CFAP97D2: variants seen among roughly 807,000 people sequenced by gnomAD.
CFAP97D2 encodes uncharacterized protein CFAP97D2.
At chr13:114,180,107 A>G (rs1294075032) in intron 1 of CFAP97D2, among the ~76,000 whole-genome samples, 2 of 152,252 alleles carry the variant, frequency 1.3e-5, no homozygotes, top group Admixed American at 1.3e-4. Context: ...GGCCTCCCAC[A>G]GTCTTCTGCC....
chr13:114,184,722 C>A (rs2080849007), intron 1 of CFAP97D2, among the ~76,000 whole-genome samples: 1 of 152,140 alleles, frequency 6.6e-6, no homozygotes, highest in Non-Finnish European at 1.5e-5. Context: ...GAAGAAATAG[C>A]AGAAGAAATT....
intron 3 of CFAP97D2, among the ~76,000 whole-genome samples, chr13:114,204,154 C>T (rs748186044): frequency 1.1e-4 from 16 of 152,106 alleles, no homozygotes; most frequent in Non-Finnish European, 2.1e-4. Flanking sequence ...AGCGGGCAGC[C>T]CACAGGAGAG....
At chr13:114,205,727 T>TG (rs1275735627) in intron 3 of CFAP97D2, among the ~76,000 whole-genome samples, 3 of 152,200 alleles carry the variant, frequency 2.0e-5, no homozygotes, top group Admixed American at 2.0e-4. Context: ...CTTCTGGGCT[T>TG]GCCTCTCCCA....
Position 114,186,261 on chromosome 13 carries a change from A to T in CFAP97D2, c.90+6841A>T, listed in dbSNP as rs1365182435. Among the ~76,000 whole-genome samples, 1 of 152,070 alleles carries T rather than the reference A, an allele frequency of 6.6e-6. No individual in the cohort carries two copies. Among genetic ancestry groups the T allele is most frequent in the Non-Finnish European group, 1.5e-5 (1 of 67,980 alleles). ...CTCTGCTGAGAGCTGAGACGTCAGG[A>T]CAACCAGCTTCAGGGAGGAGCTACC... On this transcript the variant is annotated intron_variant, in intron 1 of 4. Coordinates refer to ENST00000646158, the Ensembl canonical transcript of CFAP97D2. The surrounding 1 kb of genome is among the most constrained non-coding windows in gnomAD (Gnocchi z 4.3).
chr13:114,199,010 G>A (rs2080902805), intron 2 of CFAP97D2, among the ~76,000 whole-genome samples: 5 of 45,318 alleles, frequency 1.1e-4, no homozygotes, highest in Non-Finnish European at 1.1e-4. Context: ...CCGTGTGTAC[G>A]GTCCCCGCCG....
intron 3 of CFAP97D2, among the ~76,000 whole-genome samples, chr13:114,202,430 TAG>T (rs1224858623): frequency 6.6e-6 from 1 of 152,216 alleles, no homozygotes; most frequent in Non-Finnish European, 1.5e-5. Context: ...CACAGTCATT[TAG>T]AGTCTCTGCT....
At chr13:114,198,681 T>C (rs145504882) in intron 2 of CFAP97D2, among the ~76,000 whole-genome samples, 30,939 of 64,158 alleles carry the variant, frequency 0.48, 8,575 homozygotes, top group African/African-American at 0.72. Context: ...GGCGTGACAG[T>C]GGGTCCCCGT....
rs919675509 is a variant in CFAP97D2 at position 114,217,942 on chromosome 13, A to C, written c.481-4556A>C. Among the ~76,000 whole-genome samples the C allele has an allele frequency of 4.1e-4, 62 of 152,350 alleles. 1 individual carries two copies. The highest frequency in any genetic ancestry group is 1.3e-3 in the East Asian group (7 of 5,186). ...TCACACTGAATGGGCAAAAACTGGA[A>C]GCATTCCCTTTGAAAACTGGCACAA... On this transcript the variant is annotated intron_variant, in intron 4 of 4. Coordinates refer to ENST00000646158, the Ensembl canonical transcript of CFAP97D2.
intron 4 of CFAP97D2, among the ~76,000 whole-genome samples, chr13:114,219,986 C>T (rs1339963372): frequency 3.7e-5 from 5 of 134,446 alleles, no homozygotes; most frequent in African/African-American, 1.4e-4. Context: ...GGTGCTTCCC[C>T]ACCTTGGAAA....
intron 3 of CFAP97D2, among the ~76,000 whole-genome samples, chr13:114,201,275 C>G (rs905487438): frequency 2.6e-5 from 4 of 152,178 alleles, no homozygotes; most frequent in Non-Finnish European, 5.9e-5. Flanking sequence ...ATAGTTAATT[C>G]TAATGAAGGG....
chr13:114,197,599 ACAATTTATTCAGT>A (rs1360490852), intron 2 of CFAP97D2, among the ~76,000 whole-genome samples: 1 of 152,116 alleles, frequency 6.6e-6, no homozygotes, highest in Non-Finnish European at 1.5e-5. Flanking sequence ...ATTCACAGTG[ACAATTTATTCAGT>A]GCAGTTCCAG....
intron 1 of CFAP97D2, among the ~76,000 whole-genome samples, chr13:114,192,280 A>T (rs1362640812): frequency 1.3e-5 from 2 of 151,860 alleles, no homozygotes; most frequent in Non-Finnish European, 2.9e-5. Context: ...CAAACATACC[A>T]CTCTGGAGGG....
chr13:114,216,447 C>T lies in CFAP97D2; in HGVS notation c.480+4346C>T, dbSNP rs541224138. ...TAATGCTATCCCTCCCCACTCCCCCCACCCCACGACAGGCCCCGGTGTGTG... is the reference window on the plus strand; with the variant it reads ...TAATGCTATCCCTCCCCACTCCCCCTACCCCACGACAGGCCCCGGTGTGTG... On this transcript the variant is annotated intron_variant, in intron 4 of 4. Transcript: ENST00000646158. Among the ~76,000 whole-genome samples the T allele has an allele frequency of 1.0e-3, 157 of 152,216 alleles. 2 individuals carry two copies. Among genetic ancestry groups the T allele is most frequent in the Non-Finnish European group, 1.6e-3 (108 of 68,004 alleles).
Position 114,186,350 on chromosome 13 carries a change from G to C in CFAP97D2, c.90+6930G>C, listed in dbSNP as rs2080853289. 6.6e-6 allele frequency among the ~76,000 whole-genome samples: 1 copy of C among 152,120 alleles called. No individual in the cohort carries two copies. On this transcript the variant is annotated intron_variant, in intron 1 of 4. Transcript: ENST00000646158. The surrounding 1 kb of genome is among the most constrained non-coding windows in gnomAD (Gnocchi z 4.3). ...GCTATGGAGAGGAGCTGCCCACTGTGGGTCTCCTCTGAGCTGTTCTATTGT... is the reference window on the plus strand; with the variant it reads ...GCTATGGAGAGGAGCTGCCCACTGTCGGTCTCCTCTGAGCTGTTCTATTGT...
intron 4 of CFAP97D2, among the ~76,000 whole-genome samples, chr13:114,215,267 C>G (rs1301855721): frequency 1.3e-5 from 2 of 152,152 alleles, no homozygotes; most frequent in Non-Finnish European, 2.9e-5. Context: ...TAGCCTTTGA[C>G]CAAATTCTTA....
upstream of CFAP97D2, chr13:114,179,288 C>T: frequency 2.5e-6 from 1 of 398,670 alleles, no homozygotes. The surrounding 1 kb of genome is among the most constrained non-coding windows in gnomAD (Gnocchi z 4.8). Context: ...CAGGCCCCAG[C>T]TGCTCCTCTG....
rs1400903149 is a variant in CFAP97D2, at chr13:114,211,150, T to A, written c.291-762T>A. 6.6e-6 allele frequency among the ~76,000 whole-genome samples: 1 copy of A among 152,180 alleles called. No individual in the cohort carries two copies. The highest frequency in any genetic ancestry group is 2.4e-5 in the African/African-American group (1 of 41,444). On this transcript the variant is annotated intron_variant, in intron 3 of 4. Transcript: ENST00000646158. The surrounding 1 kb of genome is among the most constrained non-coding windows in gnomAD (Gnocchi z 4.2). ...GCCCTAACCCTGGTGGGTTCTTTAC[T>A]TCGTGCTCCTCTGTGCTCCACAGCC... is the stretch of plus-strand genomic sequence containing the variant.
chr13:114,203,191 C>T lies in CFAP97D2; in HGVS notation c.290+2748C>T, dbSNP rs182570917. Among the ~76,000 whole-genome samples the T allele has an allele frequency of 2.6e-5, 4 of 152,278 alleles. No homozygotes were observed. In the East Asian group the frequency reaches 7.7e-4, roughly 29 times the overall value. ...AAATCTTAAGGAATGCACTAAAAAGCTGTAGAACTAATCCACAAGTTCAAC... is the reference window on the plus strand; with the variant it reads ...AAATCTTAAGGAATGCACTAAAAAGTTGTAGAACTAATCCACAAGTTCAAC... On this transcript the variant is annotated intron_variant, in intron 3 of 4. Transcript: ENST00000646158. This position sits in a 1 kb window ranked among gnomAD's most constrained non-coding sequence, Gnocchi z 4.3.
intron 3 of CFAP97D2, among the ~76,000 whole-genome samples, chr13:114,206,870 T>G (rs9562152): frequency 0.21 from 32,361 of 152,108 alleles, 4,379 homozygotes; most frequent in East Asian, 0.44. Context: ...CCAAACCTAC[T>G]GCAAATGGCA....
Sources: allele counts gnomAD v4.1 joint callset (sites outside exome capture counted in the v4.1 genomes callset), GRCh38; gene constraint gnomAD v4.1.1; non-coding constraint Gnocchi (gnomAD v3.1); transcripts MANE v1.5; gene names NCBI Gene and HGNC (gene_info 2026-07-23, HGNC 2026-07-21).